CCSER1: variants seen among roughly 807,000 people sequenced by gnomAD.
The protein encoded by CCSER1 is serine-rich coiled-coil domain-containing protein 1.
CCSER1 carries 41 observed loss-of-function variants against 82.0 expected under a neutral mutation model. That is an observed-to-expected ratio of 0.50 (90% CI 0.39 to 0.65). CCSER1 has a LOEUF of 0.65. Ranked by LOEUF, CCSER1 falls within the 30% of genes least tolerant of loss-of-function variation. The pLI is 0.00. For synonymous variants in CCSER1, 414 were observed against 383.9 expected, an observed-to-expected ratio of 1.08 and a Z score of -0.92; for missense variants, 1,119 against 1,064.2, an observed-to-expected ratio of 1.05 and a Z score of -0.72.
chr4:90,768,232 G>A (rs1751542400), intron 7 of CCSER1, among the ~76,000 whole-genome samples: 1 of 152,144 alleles, frequency 6.6e-6, no homozygotes, highest in Admixed American at 6.6e-5. Flanking sequence ...ATGACTACTT[G>A]GAAACAGGTT....
At chr4:90,480,802 C>G (rs948193710) in intron 5 of CCSER1, among the ~76,000 whole-genome samples, 2 of 152,150 alleles carry the variant, frequency 1.3e-5, no homozygotes, top group Admixed American at 6.6e-5. Flanking sequence ...AGTTTGAAGT[C>G]AGGTAGCATG....
At position 90,999,754 on chromosome 4, in the gene CCSER1, T is replaced by G. The variant is rs553952449; in HGVS notation, c.2172+76307T>G. Reference sequence around the variant, plus strand: ...GTTTAATTAGGTCCCACTTGTCAATTTTTGCTTTCATTGCAATTGTTTTTT... The same window carrying G: ...GTTTAATTAGGTCCCACTTGTCAATGTTTGCTTTCATTGCAATTGTTTTTT... On this transcript the variant is annotated intron_variant, in intron 9 of 10. Transcript: ENST00000509176. 9.1e-4 allele frequency among the ~76,000 whole-genome samples: 139 copies of G among 152,236 alleles called. 1 individual carries two copies. The highest frequency in any genetic ancestry group is 1.6e-3 in the Non-Finnish European group (108 of 68,006).
intron 10 of CCSER1, among the ~76,000 whole-genome samples, chr4:91,262,802 T>C (rs977627449): frequency 6.6e-6 from 1 of 151,872 alleles, no homozygotes; most frequent in African/African-American, 2.4e-5. Flanking sequence ...ATTATACGAG[T>C]ATAATTACAT....
At chr4:91,362,197 G>A (rs374837946) in intron 10 of CCSER1, among the ~76,000 whole-genome samples, 1 of 151,836 alleles carries the variant, frequency 6.6e-6, no homozygotes, top group African/African-American at 2.4e-5. Flanking sequence ...TGAGATTATG[G>A]CAAAGATTGT....
intron 1 of CCSER1, among the ~76,000 whole-genome samples, chr4:90,229,926 C>T (rs2153426788): frequency 6.6e-6 from 1 of 152,212 alleles, no homozygotes; most frequent in Admixed American, 6.5e-5. Flanking sequence ...GCTAACTATC[C>T]TAAATATATA....
chr4:91,594,898 G>A (rs760285746), intron 10 of CCSER1, among the ~76,000 whole-genome samples: 1 of 152,064 alleles, frequency 6.6e-6, no homozygotes, highest in Non-Finnish European at 1.5e-5. Context: ...GGTAATTAGT[G>A]TAGTGTATGG....
chr4:90,561,556 A>G (rs774020728), intron 5 of CCSER1, among the ~76,000 whole-genome samples: 1 of 152,206 alleles, frequency 6.6e-6, no homozygotes, highest in Non-Finnish European at 1.5e-5. Flanking sequence ...TTGAATCTAC[A>G]TTTTAAGATC....
chr4:90,405,233 A>G (rs1394754864), intron 4 of CCSER1, among the ~76,000 whole-genome samples: 2 of 152,084 alleles, frequency 1.3e-5, no homozygotes, highest in Admixed American at 6.5e-5. Flanking sequence ...AGCTTCAGCA[A>G]TAGAATCAAA....
chr4:90,458,009 G>A (rs1198866948), intron 4 of CCSER1, among the ~76,000 whole-genome samples: 1 of 152,160 alleles, frequency 6.6e-6, no homozygotes, highest in Non-Finnish European at 1.5e-5. Flanking sequence ...TGCATACCCA[G>A]CAGGGTCATG....
chr4:91,043,580 CTTCT>C lies in CCSER1; in HGVS notation c.2173-42367_2173-42364del, dbSNP rs1474732660. Among the ~76,000 whole-genome samples the C allele has an allele frequency of 6.0e-5, 8 of 132,746 alleles. No individual in the cohort carries two copies. In the East Asian group the frequency reaches 1.6e-3, roughly 27 times the overall value. The allele number at this position is 132,746 out of a possible 152,430, so 87.1% of individuals were successfully genotyped here. A position where few individuals can be genotyped will look rare whatever the true frequency, so the allele number is the denominator to read the frequency against. Reference sequence around the variant, plus strand: ...AAGGATAACGCTAACTAGCATCAGCCTTCTTTTTTTTTTTTTTTTTTTTTTTTGA... The same window carrying C: ...AAGGATAACGCTAACTAGCATCAGCCTTTTTTTTTTTTTTTTTTTTTTTGA... On this transcript the variant is annotated intron_variant, in intron 9 of 10. Transcript: ENST00000509176.
At chr4:91,266,659 C>T (rs1011310276) in intron 10 of CCSER1, among the ~76,000 whole-genome samples, 4 of 152,204 alleles carry the variant, frequency 2.6e-5, no homozygotes, top group East Asian at 3.9e-4. Flanking sequence ...TGTTAAAATA[C>T]GCATGACTGA....
At chr4:91,249,225 TTCTATGTTTTTAGTTG>T (rs1367339616) in intron 10 of CCSER1, among the ~76,000 whole-genome samples, 2 of 152,170 alleles carry the variant, frequency 1.3e-5, no homozygotes, top group African/African-American at 4.8e-5. Context: ...TTTAAGCCAT[TTCTATGTTTTTAGTTG>T]TCACATGTTT....
chr4:90,224,517 A>G (rs1293876883), intron 1 of CCSER1, among the ~76,000 whole-genome samples: 5 of 152,220 alleles, frequency 3.3e-5, no homozygotes, highest in Non-Finnish European at 7.3e-5. Context: ...ATCGTTTGCT[A>G]TCCCAGTCTA....
chr4:91,127,522 A>G (rs879811307), intron 10 of CCSER1, among the ~76,000 whole-genome samples: 2 of 152,096 alleles, frequency 1.3e-5, no homozygotes, highest in Non-Finnish European at 2.9e-5. Flanking sequence ...GCAGTATGGT[A>G]ATTTTTTAAA....
intron 9 of CCSER1, among the ~76,000 whole-genome samples, chr4:91,074,718 T>C (rs1333460958): frequency 6.6e-6 from 1 of 152,238 alleles, no homozygotes; most frequent in Non-Finnish European, 1.5e-5. Flanking sequence ...GCTACAGTTA[T>C]CTAAAGTTCC....
chr4:91,300,397 G>A (rs1300065434), intron 10 of CCSER1, among the ~76,000 whole-genome samples: 2 of 151,924 alleles, frequency 1.3e-5, no homozygotes, highest in African/African-American at 4.8e-5. Flanking sequence ...TAAAAGTAAT[G>A]TGTGTTCATG....
intron 10 of CCSER1, among the ~76,000 whole-genome samples, chr4:91,117,734 T>C (rs949293259): frequency 1.3e-5 from 2 of 152,212 alleles, no homozygotes; most frequent in South Asian, 2.1e-4. Context: ...TTTTGTGGTG[T>C]CAACCACACT....
intron 1 of CCSER1, among the ~76,000 whole-genome samples, chr4:90,185,550 C>T (rs1734460170): frequency 6.6e-6 from 1 of 151,852 alleles, no homozygotes; most frequent in Non-Finnish European, 1.5e-5. Context: ...AAAGAAGGTA[C>T]CAGTGCTGAT....
At chr4:90,686,866 A>G (rs923947113) in intron 6 of CCSER1, among the ~76,000 whole-genome samples, 1 of 152,182 alleles carries the variant, frequency 6.6e-6, no homozygotes, top group African/African-American at 2.4e-5. Context: ...TTGTGGCAGC[A>G]TATTTCCGGT....
Sources: gnomAD v4.1 joint callset for allele counts (sites outside exome capture counted in the v4.1 genomes callset) on GRCh38, gnomAD v4.1.1 for gene constraint, MANE v1.5 for transcripts, NCBI Gene and HGNC (gene_info 2026-07-23, HGNC 2026-07-21) for gene names.